NKAIN2: variants seen among roughly 807,000 people sequenced by gnomAD.
NKAIN2 encodes sodium/potassium-transporting ATPase subunit beta-1-interacting protein 2.
A neutral mutation model predicts 32.6 loss-of-function variants in NKAIN2; 14 were observed. The ratio of observed to expected loss-of-function variants is 0.43; its 90% CI spans 0.28 to 0.67. NKAIN2 has a LOEUF of 0.67. Among genes scored for constraint, NKAIN2 ranks in the 30% least tolerant of loss-of-function variants. The pLI, the probability that NKAIN2 is intolerant of heterozygous loss-of-function variation, is 0.17. For synonymous variants in NKAIN2, 80 were observed against 87.2 expected (o/e 0.92, Z 0.46); for missense variants, 198 against 258.3 (o/e 0.77, Z 1.60).
At chr6:124,060,069 G>A (rs1288447892) in intron 1 of NKAIN2, among the ~76,000 whole-genome samples, 1 of 152,024 alleles carries the variant, frequency 6.6e-6, no homozygotes, top group Non-Finnish European at 1.5e-5. Flanking sequence ...GTATTTCTTT[G>A]TACTTAGTAC....
At chr6:124,160,740 G>T (rs1221487940) in intron 1 of NKAIN2, among the ~76,000 whole-genome samples, 1 of 152,028 alleles carries the variant, frequency 6.6e-6, no homozygotes, top group East Asian at 1.9e-4. Context: ...GATTTATGAA[G>T]GTGTAAATAT....
Position 124,342,282 on chromosome 6 carries a change from ACCTGTAGTC to A in NKAIN2, c.193-12982_193-12974del, listed in dbSNP as rs528069832. Among the ~76,000 whole-genome samples the A allele has an allele frequency of 1.2e-3, 179 of 150,844 alleles. 1 individual carries two copies. Among genetic ancestry groups the A allele is most frequent in the African/African-American group, 4.2e-3 (175 of 41,186 alleles). ...AAATTAGCCAGGCGTGGTGGTGGGC[ACCTGTAGTC>A]CCAGCTACTCAGGAGGCTGAGGCAG... On this transcript the variant is annotated intron_variant, in intron 2 of 6. Transcript: ENST00000368417.
At chr6:124,556,650 A>T (rs2114880364) in intron 3 of NKAIN2, among the ~76,000 whole-genome samples, 1 of 152,324 alleles carries the variant, frequency 6.6e-6, no homozygotes, top group East Asian at 1.9e-4. Context: ...ATCACCCAGT[A>T]TTTTGCTAAA....
At chr6:124,450,986 T>C (rs1416458726) in intron 3 of NKAIN2, among the ~76,000 whole-genome samples, 2 of 152,086 alleles carry the variant, frequency 1.3e-5, no homozygotes, top group African/African-American at 2.4e-5. Context: ...AACCCAGCTA[T>C]GCAGTAATGC....
chr6:124,020,234 C>T (rs998460882), intron 1 of NKAIN2, among the ~76,000 whole-genome samples: 1 of 152,042 alleles, frequency 6.6e-6, no homozygotes, highest in Non-Finnish European at 1.5e-5. Flanking sequence ...TCATTCTGTT[C>T]TTAGTAAAGG....
chr6:124,415,877 GC>G (rs1774443617), intron 3 of NKAIN2, among the ~76,000 whole-genome samples: 3 of 40,814 alleles, frequency 7.4e-5, no homozygotes, highest in Admixed American at 2.4e-4. Flanking sequence ...TTTTTTATTT[GC>G]TTTTTTTTTT....
intron 1 of NKAIN2, among the ~76,000 whole-genome samples, chr6:123,976,372 CAT>C (rs60189624): frequency 0.03 from 326 of 10,840 alleles, 5 homozygotes; most frequent in Non-Finnish European, 0.048. Context: ...TATATATTCC[CAT>C]ATATATATAT....
chr6:123,939,841 A>G (rs936462357), intron 1 of NKAIN2, among the ~76,000 whole-genome samples: 1 of 151,830 alleles, frequency 6.6e-6, no homozygotes, highest in African/African-American at 2.4e-5. Context: ...GTGTTGTCCC[A>G]GCGGTGCTCT....
intron 4 of NKAIN2, among the ~76,000 whole-genome samples, chr6:124,691,531 C>A (rs142944184): frequency 1.3e-5 from 2 of 152,254 alleles, no homozygotes; most frequent in East Asian, 1.9e-4. Context: ...CCGCCCCCCG[C>A]CCCACGTGTT....
intron 3 of NKAIN2, among the ~76,000 whole-genome samples, chr6:124,596,984 T>A (rs1782119104): frequency 6.6e-6 from 1 of 152,114 alleles, no homozygotes; most frequent in Non-Finnish European, 1.5e-5. Context: ...AAGATAGTCA[T>A]GAAGAGAAAG....
intron 1 of NKAIN2, among the ~76,000 whole-genome samples, chr6:123,862,017 CATT>C: frequency 6.6e-6 from 1 of 152,216 alleles, no homozygotes; most frequent in South Asian, 2.1e-4. Context: ...TTTTCGTTAT[CATT>C]ATTATTACTA....
At chr6:124,624,474 G>A (rs1783227620) in intron 3 of NKAIN2, among the ~76,000 whole-genome samples, 1 of 152,170 alleles carries the variant, frequency 6.6e-6, no homozygotes, top group Non-Finnish European at 1.5e-5. Context: ...CATGAGTTCA[G>A]TTGTAATGTT....
intron 1 of NKAIN2, among the ~76,000 whole-genome samples, chr6:124,257,533 C>G (rs566876226): frequency 7.9e-5 from 12 of 152,186 alleles, no homozygotes; most frequent in Non-Finnish European, 1.6e-4. Context: ...TAAATAAAAA[C>G]TCAATTTTTC....
chr6:124,725,988 C>T (rs990041560), intron 4 of NKAIN2, among the ~76,000 whole-genome samples: 11 of 152,344 alleles, frequency 7.2e-5, no homozygotes, highest in African/African-American at 2.6e-4. Context: ...CCGAATACTG[C>T]GCTTTTCCGA....
intron 1 of NKAIN2, among the ~76,000 whole-genome samples, chr6:124,105,994 T>C (rs1003478110): frequency 1.3e-5 from 2 of 152,186 alleles, no homozygotes; most frequent in Admixed American, 1.3e-4. Context: ...TGAGTAATTT[T>C]CCCAGGATCC....
At chr6:124,170,671 C>A (rs985048809) in intron 1 of NKAIN2, among the ~76,000 whole-genome samples, 7 of 152,108 alleles carry the variant, frequency 4.6e-5, no homozygotes, top group Admixed American at 4.6e-4. Flanking sequence ...GTGAATTTGG[C>A]CTCAATGAAG....
intron 3 of NKAIN2, among the ~76,000 whole-genome samples, chr6:124,516,950 T>C (rs1373542897): frequency 6.6e-6 from 1 of 152,156 alleles, no homozygotes; most frequent in Non-Finnish European, 1.5e-5. Flanking sequence ...ATGCTATAAA[T>C]GTGTAATGAG....
At chr6:124,050,479 C>T (rs531497504) in intron 1 of NKAIN2, among the ~76,000 whole-genome samples, 1 of 152,116 alleles carries the variant, frequency 6.6e-6, no homozygotes, top group African/African-American at 2.4e-5. Context: ...ATATTCACTA[C>T]ATTACTGAGA....
At chr6:124,638,887 C>CAAAA (rs35802663) in intron 3 of NKAIN2, among the ~76,000 whole-genome samples, 852 of 82,534 alleles carry the variant, frequency 0.01, 82 homozygotes, top group African/African-American at 0.036. Context: ...GAGACTCTGT[C>CAAAA]AAAAAAAAAA....
Sources: gnomAD v4.1 joint callset for allele counts (sites outside exome capture counted in the v4.1 genomes callset) on GRCh38, gnomAD v4.1.1 for gene constraint, MANE v1.5 for transcripts, NCBI Gene and HGNC (gene_info 2026-07-23, HGNC 2026-07-21) for gene names.